The following PDGFRB variants were observed in gnomAD, a reference collection of about 807,000 sequenced individuals.
PDGFRB encodes the protein platelet derived growth factor receptor beta, also known as platelet-derived growth factor receptor beta.
A neutral mutation model predicts 120.2 loss-of-function variants in PDGFRB; 42 were observed. The ratio of observed to expected loss-of-function variants is 0.35; its 90% CI spans 0.27 to 0.45. The LOEUF (loss-of-function observed/expected upper bound fraction) is 0.45, where lower values mean the gene tolerates loss of function less well. Ranked by LOEUF, PDGFRB falls within the 20% of genes least tolerant of loss-of-function variation. The pLI, the probability that PDGFRB is intolerant of heterozygous loss-of-function variation, is 1.00. For missense variants in PDGFRB, 1,149 were observed against 1,476.3 expected (o/e 0.78, Z 3.63); for synonymous variants, 586 against 606.8 (o/e 0.97, Z 0.50).
At chr5:150,130,254 A>G (rs1262696785) in intron 9 of PDGFRB, among the ~76,000 whole-genome samples, 1 of 152,196 alleles carries the variant, frequency 6.6e-6, no homozygotes, top group Non-Finnish European at 1.5e-5. Flanking sequence ...CCACTGCATT[A>G]GAATCGACCT....
chr5:150,135,031 G>T lies in PDGFRB; in HGVS notation c.365-15C>A. ...CACGGTGGGATCTGCCAGGAGTGGA[G>T]CCGTGAATAAATCAGGGGAACTGGG... On this transcript the variant is annotated splice_polypyrimidine_tract_variant and intron_variant, in intron 3 of 22. Transcript: ENST00000261799. 1 of 1,371,334 alleles carries T rather than the reference G, an allele frequency of 7.3e-7. No homozygotes were observed. Among genetic ancestry groups the T allele is most frequent in the Non-Finnish European group, 1.0e-6 (1 of 974,564 alleles). The allele number at this position is 1,371,334 out of a possible 1,614,324, so 84.9% of individuals were successfully genotyped here. A position where few individuals can be genotyped will look rare whatever the true frequency, so the allele number is the denominator to read the frequency against.
intron 20 of PDGFRB, 40 bp downstream of exon 20, chr5:150,119,427 G>A: frequency 9.0e-7 from 1 of 1,112,754 alleles, no homozygotes; most frequent in Non-Finnish European, 1.4e-6. Flanking sequence ...TCTATTGTTT[G>A]CAGCACAAAA....
In PDGFRB at chr5:150,134,017, G is replaced by C. The variant is rs1006934371; in HGVS notation, c.632-9C>G. 4.3e-6 allele frequency: 7 copies of C among 1,613,944 alleles called. No homozygotes were observed. Among genetic ancestry groups the C allele is most frequent in the Non-Finnish European group, 5.9e-6 (7 of 1,179,920 alleles). ...GACGTTGATGGATGACACTGGTAGA[G>C]AGAGATTGGCTTAGGTCTGGGGAAG... On this transcript the variant is annotated splice_polypyrimidine_tract_variant and intron_variant, in intron 4 of 22. Coordinates refer to ENST00000261799, the MANE Select transcript of PDGFRB (RefSeq NM_002609.4).
chr5:150,117,912 G>A (rs1219236093), intron 21 of PDGFRB, 62 bp from the exon 22 acceptor site: 5 of 928,876 alleles, frequency 5.4e-6, no homozygotes, highest in Admixed American at 4.2e-5. Context: ...TGCCTTCAGG[G>A]ATCTTCTAAC....
At chr5:150,139,934 C>G (rs1230482968) in intron 1 of PDGFRB, among the ~76,000 whole-genome samples, 2 of 150,860 alleles carry the variant, frequency 1.3e-5, no homozygotes, top group African/African-American at 2.4e-5. Flanking sequence ...GAGCTGAGAT[C>G]ACGCCACTAC....
rs1382189140 is a variant in PDGFRB at position 150,114,373 on chromosome 5, A to T, written c.*1390T>A. 4.3e-6 allele frequency: 1 copy of T among 233,066 alleles called. No homozygotes were observed. Among genetic ancestry groups the T allele is most frequent in the Non-Finnish European group, 8.5e-6 (1 of 118,026 alleles). 14.4% of individuals were successfully genotyped at this position (233,066 alleles called of 1,614,324 possible). On this transcript the variant is annotated 3_prime_UTR_variant, in exon 23 of 23. Coordinates refer to ENST00000261799, the MANE Select transcript of PDGFRB (RefSeq NM_002609.4). ...TCTTTTACAAGACATAACTGTCCTC[A>T]CTGTCCATTCTGTCTTCGACGCAGA...
chr5:150,150,254 G>A (rs923802515), intron 1 of PDGFRB, among the ~76,000 whole-genome samples: 2 of 152,184 alleles, frequency 1.3e-5, no homozygotes, highest in Non-Finnish European at 2.9e-5. Context: ...CCCAGGCTCA[G>A]CGTCATCACC....
chr5:150,146,190 A>T (rs1391425003), intron 1 of PDGFRB, among the ~76,000 whole-genome samples: 2 of 152,172 alleles, frequency 1.3e-5, no homozygotes, highest in Non-Finnish European at 2.9e-5. Flanking sequence ...TGTTAATTAC[A>T]CTGAGTACAG....
intron 22 of PDGFRB, among the ~76,000 whole-genome samples, chr5:150,116,613 A>C (rs559542590): frequency 1.3e-5 from 2 of 152,134 alleles, no homozygotes; most frequent in African/African-American, 4.8e-5. Flanking sequence ...CCATCTCAAA[A>C]ATAAATAAAT....
intron 20 of PDGFRB, among the ~76,000 whole-genome samples, chr5:150,119,191 C>G (rs1418305352): frequency 6.6e-6 from 1 of 152,172 alleles, no homozygotes; most frequent in Non-Finnish European, 1.5e-5. Context: ...GGGACTTTTG[C>G]TGGCACTATG....
intron 1 of PDGFRB, among the ~76,000 whole-genome samples, chr5:150,147,466 G>T (rs112142426): frequency 6.6e-6 from 1 of 152,200 alleles, no homozygotes; most frequent in African/African-American, 2.4e-5. Flanking sequence ...CAAATAGAAT[G>T]GGTTCTCAGA....
At chr5:150,139,978 CAAA>C (rs76112327) in intron 1 of PDGFRB, among the ~76,000 whole-genome samples, 3 of 107,878 alleles carry the variant, frequency 2.8e-5, no homozygotes, top group Non-Finnish European at 3.9e-5. Context: ...GACTCTGTCT[CAAA>C]AAAAAAAAAA....
Position 150,123,134 on chromosome 5 carries a change from T to C in PDGFRB, c.2091A>G (p.Lys697=), listed in dbSNP as rs774971355. The C allele has an allele frequency of 6.8e-6, 11 of 1,613,756 alleles. No individual in the cohort carries two copies. In the Admixed American group the frequency reaches 1.7e-4, roughly 24 times the overall value. ...GDLVDYLHRN[K]HTFLQHHSDK... ...CGGAGTGGTGCTGCAGGAAGGTGTG[T>C]TTGTTGCGGTGCAGGTAGTCCACCA... Residue 697 remains lysine, a synonymous_variant, in exon 15 of 23, where the codon AAA becomes AAG. Transcript: ENST00000261799.
chr5:150,131,014 T>C (rs1407369860), intron 8 of PDGFRB, among the ~76,000 whole-genome samples: 1 of 152,196 alleles, frequency 6.6e-6, no homozygotes, highest in Non-Finnish European at 1.5e-5. Flanking sequence ...TTTTAGTGGT[T>C]GCTTTATATT....
At position 150,124,331 on chromosome 5, in the gene PDGFRB, G is replaced by A. The variant is rs2113895019; in HGVS notation, c.1942C>T (p.Leu648Phe). 1 of 1,614,124 alleles carries A rather than the reference G, an allele frequency of 6.2e-7. No homozygotes were observed. The highest frequency in any genetic ancestry group is 8.5e-7 in the Non-Finnish European group (1 of 1,179,980). The change falls in exon 14 of 23, where the codon CTT (leucine) becomes TTT (phenylalanine). Residue 648 changes from leucine (L) to phenylalanine (F), a missense_variant. Leu to Phe is a conservative substitution (Grantham distance 22, BLOSUM62 0). Around this residue, in one of 3 missense-constraint regions of PDGFRB, gnomAD observed 879 missense variants for 1,108.6 expected, o/e 0.79. Transcript: ENST00000261799. ...CTCATGATCTTCAGCTCCGACATAA[G>A]GGCTTGCTTCTCACTGCTGCGGGCT... Reference protein sequence around the residue: ...STARSSEKQALMSELKIMSHL... With the variant: ...STARSSEKQAFMSELKIMSHL...
chr5:150,122,085 T>C, intron 15 of PDGFRB, 45 bp from the exon 16 acceptor site: 1 of 1,482,672 alleles, frequency 6.7e-7, no homozygotes, highest in South Asian at 1.1e-5. Flanking sequence ...GGCTTTGCCT[T>C]CCCCTCCCCT....
intron 22 of PDGFRB, among the ~76,000 whole-genome samples, chr5:150,116,502 G>C (rs955871585): frequency 6.6e-6 from 1 of 151,982 alleles, no homozygotes; most frequent in African/African-American, 2.4e-5. Flanking sequence ...CCAGCTACTC[G>C]GGAGGCTGAG....
rs1405846528 is a variant in PDGFRB at position 150,117,716 on chromosome 5, C to T, written c.3039G>A (p.Gln1013=). 4 of 1,613,550 alleles carry T rather than the reference C, an allele frequency of 2.5e-6. No homozygotes were observed. In the African/African-American group the frequency reaches 5.3e-5, roughly 22 times the overall value. The change falls in exon 22 of 23, where the codon CAG becomes CAA. Residue 1013 remains glutamine (Q), a synonymous_variant. Coordinates refer to ENST00000261799, the MANE Select transcript of PDGFRB (RefSeq NM_002609.4). ...DTSSVLYTAV[Q]PNEGDNDYII... is the part of the protein sequence containing the mutation. ...TATAGTCGTTGTCACCCTCATTGGG[C>T]TGCACGGCAGTATAGAGGACGGAGC...
intron 1 of PDGFRB, among the ~76,000 whole-genome samples, chr5:150,141,988 G>T (rs1284246413): frequency 1.3e-5 from 2 of 151,986 alleles, no homozygotes; most frequent in Non-Finnish European, 2.9e-5. Context: ...GGGGGTGCTG[G>T]GGGCAGGCAG....
Sources: gnomAD v4.1 joint callset for allele counts (sites outside exome capture counted in the v4.1 genomes callset) on GRCh38, gnomAD v4.1.1 for gene constraint, gnomAD v4.1.1 regional missense constraint, MANE v1.5 for transcripts, NCBI Gene and HGNC (gene_info 2026-07-23, HGNC 2026-07-21) for gene names.